Variants in C12orf42 observed in about 807,000 individuals in gnomAD.
C12orf42 encodes uncharacterized protein C12orf42.
Under a neutral mutation model 21.6 loss-of-function variants are expected in C12orf42, and 25 were observed. The observed-to-expected ratio is 1.16, with a 90% CI of 0.84 to 1.62. The LOEUF is 1.62. Ranked by LOEUF, C12orf42 falls within the 40% of genes most tolerant of loss-of-function variation. The pLI, the probability that C12orf42 is intolerant of heterozygous loss-of-function variation, is 0.00. For synonymous variants in C12orf42, 174 were observed against 175.0 expected, an observed-to-expected ratio of 0.99 and a Z score of 0.05; for missense variants, 483 against 459.3, an observed-to-expected ratio of 1.05 and a Z score of -0.47.
At chr12:103,498,051 A>G (rs1955615944), upstream of C12orf42, among the ~76,000 whole-genome samples, 1 of 152,136 alleles carries the variant, frequency 6.6e-6, no homozygotes, top group Non-Finnish European at 1.5e-5. Flanking sequence ...AAAAAAGAAG[A>G]AAGAGAGAAA....
At chr12:103,539,558 G>A in the C12orf42 span, among the ~76,000 whole-genome samples, 6 of 151,464 alleles carry the variant, frequency 4.0e-5, no homozygotes, top group South Asian at 2.1e-4. Context: ...ATGTATGTAC[G>A]TTCCTAAAAT....
intron 5 of C12orf42, 115 bp downstream of exon 5, chr12:103,305,859 C>A (rs1469705951): frequency 4.7e-6 from 6 of 1,280,052 alleles, no homozygotes; most frequent in East Asian, 2.3e-5. Context: ...TCTTACAGTA[C>A]CTTCTAGAAT....
the C12orf42 span, among the ~76,000 whole-genome samples, chr12:103,519,963 T>C: frequency 2.6e-4 from 39 of 152,304 alleles, 1 homozygote; most frequent in African/African-American, 8.7e-4. Flanking sequence ...TGGACTCTGA[T>C]GATGGAACGA....
At chr12:103,095,550 C>G in the C12orf42 span, among the ~76,000 whole-genome samples, 1 of 152,124 alleles carries the variant, frequency 6.6e-6, no homozygotes, top group African/African-American at 2.4e-5. Context: ...TCCCAATGGC[C>G]CTGTTTAAAA....
In C12orf42 at chr12:103,337,246, T is replaced by G. The variant is rs894356945; in HGVS notation, c.260-30901A>C. On this transcript the variant is annotated intron_variant, in intron 4 of 5. Coordinates refer to ENST00000548883, the MANE Select transcript of C12orf42 (RefSeq NM_198521.5). ...TGCCCCTTTGTGCACAGCTGAAAAG[T>G]TTGCTCCTATCTGGTGGCTTATAAG... 2.0e-5 allele frequency among the ~76,000 whole-genome samples: 3 copies of G among 152,300 alleles called. No homozygotes were observed. In the South Asian group the frequency reaches 6.2e-4, roughly 32 times the overall value.
At chr12:103,359,314 A>G (rs2043873405) in intron 4 of C12orf42, among the ~76,000 whole-genome samples, 1 of 152,038 alleles carries the variant, frequency 6.6e-6, no homozygotes, top group Non-Finnish European at 1.5e-5. Flanking sequence ...TATGTGTTTC[A>G]TCAAACACAC....
chr12:103,266,343 G>A (rs1258797487), downstream of C12orf42, among the ~76,000 whole-genome samples: 1 of 152,036 alleles, frequency 6.6e-6, no homozygotes, highest in Non-Finnish European at 1.5e-5. Context: ...GGATGGCCCA[G>A]CCCTGGACTT....
In C12orf42 at chr12:103,390,363, T is replaced by C. The variant is rs1479640151; in HGVS notation, c.147+11244A>G. ...GAGTGTATAATTAACGGATATTACG[T>C]ACATACACAATGCTCAATAATCATC... On this transcript the variant is annotated intron_variant, in intron 3 of 5. Transcript: ENST00000548883. 3.3e-5 allele frequency among the ~76,000 whole-genome samples: 5 copies of C among 152,212 alleles called. No homozygotes were observed. The East Asian group carries it at 9.6e-4, about 29-fold the overall frequency.
intron 3 of C12orf42, among the ~76,000 whole-genome samples, chr12:103,378,312 A>AT (rs974679447): frequency 6.6e-6 from 1 of 152,066 alleles, no homozygotes; most frequent in East Asian, 1.9e-4. Flanking sequence ...GATTTGGATG[A>AT]TTTTTTTTGT....
At chr12:103,367,774 C>G (rs775703918) in intron 4 of C12orf42, among the ~76,000 whole-genome samples, 3 of 151,806 alleles carry the variant, frequency 2.0e-5, no homozygotes, top group Non-Finnish European at 4.4e-5. Context: ...TTATCCCCCC[C>G]CAAAAAAATT....
At chr12:103,329,616 TAAA>T (rs568084194) in intron 4 of C12orf42, among the ~76,000 whole-genome samples, 2 of 140,042 alleles carry the variant, frequency 1.4e-5, no homozygotes, top group Admixed American at 7.2e-5. Context: ...CGGGCCTGCT[TAAA>T]AAAAAAAAAA....
chr12:103,294,564 A>AGG lies in C12orf42; in HGVS notation n.338-17355_338-17354insCC, dbSNP rs1229790200. On this transcript the variant is annotated intron_variant and non_coding_transcript_variant, in intron 4 of 6. Coordinates refer to the C12orf42 transcript ENST00000546526. ...AAGCAAGAAAGAAAGAAAGAAAGAA[A>AGG]AAGAAAGGAAGGAAGGAAGGAAAGA... Among the ~76,000 whole-genome samples the AGG allele has an allele frequency of 6.6e-3, 820 of 123,364 alleles. 4 individuals are homozygous for AGG. The highest frequency in any genetic ancestry group is 0.024 in the African/African-American group (782 of 32,206). 80.9% of individuals were successfully genotyped at this position (123,364 alleles called of 152,430 possible).
the C12orf42 span, among the ~76,000 whole-genome samples, chr12:103,093,642 T>C: frequency 1.3e-5 from 2 of 152,126 alleles, no homozygotes; most frequent in African/African-American, 4.8e-5. Flanking sequence ...ATTCAGGACT[T>C]GCACAGCCTG....
intron 1 of C12orf42, among the ~76,000 whole-genome samples, chr12:103,490,806 A>G (rs1955138022): frequency 6.6e-6 from 1 of 151,880 alleles, no homozygotes; most frequent in African/African-American, 2.4e-5. Flanking sequence ...GTTTTATAAT[A>G]CATTTGGTAT....
At chr12:103,379,542 G>A (rs1324021981) in intron 3 of C12orf42, among the ~76,000 whole-genome samples, 1 of 152,174 alleles carries the variant, frequency 6.6e-6, no homozygotes, top group Non-Finnish European at 1.5e-5. Context: ...TAAAGATGTT[G>A]CTTCTTAAGA....
chr12:103,503,662 G>T, the C12orf42 span: 1 of 153,366 alleles, frequency 6.5e-6, no homozygotes, highest in South Asian at 1.9e-4. Flanking sequence ...TAACTGGCAG[G>T]ACCTGCTGGT....
At chr12:103,155,235 A>G in the C12orf42 span, 1 of 152,218 alleles carries the variant, frequency 6.6e-6, no homozygotes, top group Non-Finnish European at 1.5e-5. Context: ...CCACGGCCAA[A>G]TCACAGCTCT....
the C12orf42 span, among the ~76,000 whole-genome samples, chr12:103,205,592 T>C: frequency 6.6e-6 from 1 of 152,106 alleles, no homozygotes; most frequent in African/African-American, 2.4e-5. Flanking sequence ...CAAAACCATA[T>C]TAGCCCGTAT....
intron 2 of C12orf42, 74 bp downstream of exon 2, chr12:103,478,275 C>T: frequency 1.1e-6 from 1 of 916,170 alleles, no homozygotes. Flanking sequence ...TCAAGAATCA[C>T]AATTAGTGGC....
Sources: allele counts gnomAD v4.1 joint callset (sites outside exome capture counted in the v4.1 genomes callset), GRCh38; gene constraint gnomAD v4.1.1; transcripts MANE v1.5; gene names NCBI Gene and HGNC (gene_info 2026-07-23, HGNC 2026-07-21).